Variants in ABCA13 observed in about 807,000 individuals in gnomAD.
The protein encoded by ABCA13 is ATP binding cassette subfamily A member 13.
In ABCA13, 476 loss-of-function variants were observed where a neutral mutation model predicts 478.7. The ratio of observed to expected loss-of-function variants is 0.99; its 90% CI spans 0.92 to 1.07. ABCA13 has a LOEUF of 1.07. ABCA13 is among the 50% of genes least tolerant of loss of function. ABCA13 has a pLI of 0.00. For synonymous variants in ABCA13, 2,252 were observed against 2,158.9 expected (o/e 1.04, Z -1.20); for missense variants, 6,060 against 5,910.6 (o/e 1.03, Z -0.83).
rs930405139 is a variant in ABCA13, at chr7:48,390,271, A to C, written c.11654+1051A>C. On this transcript the variant is annotated intron_variant, in intron 37 of 61. Coordinates refer to ENST00000435803, the MANE Select transcript of ABCA13 (RefSeq NM_152701.5). ...AATGACTGTGTTGCTTTTAGTGTAC[A>C]TTTGTAGTACATTTTGAGTCATCCT... Among the ~76,000 whole-genome samples, 8 of 152,208 alleles carry C rather than the reference A, an allele frequency of 5.3e-5. 1 individual carries two copies. Among genetic ancestry groups the C allele is most frequent in the African/African-American group, 1.9e-4 (8 of 41,462 alleles).
intron 55 of ABCA13, among the ~76,000 whole-genome samples, chr7:48,530,243 C>CA (rs1462286832): frequency 1.2e-4 from 18 of 151,948 alleles, no homozygotes; most frequent in Admixed American, 7.9e-4. Context: ...CAGTTCCATC[C>CA]AGGTGGCTGC....
intron 55 of ABCA13, among the ~76,000 whole-genome samples, chr7:48,554,046 G>A (rs1166225512): frequency 6.6e-6 from 1 of 151,916 alleles, no homozygotes; most frequent in Non-Finnish European, 1.5e-5. Flanking sequence ...TCTGCATATG[G>A]ATATCCAGTT....
chr7:48,511,317 G>C lies in ABCA13; in HGVS notation c.13640+118G>C. On this transcript the variant is annotated intron_variant, in intron 51 of 61. Coordinates refer to ENST00000435803, the MANE Select transcript of ABCA13 (RefSeq NM_152701.5). ...ATTTCCTCTCTTTTGAAGCAATTATGTTGCTTCTGCAAGGGACACGGAGCA... is the reference window on the plus strand; with the variant it reads ...ATTTCCTCTCTTTTGAAGCAATTATCTTGCTTCTGCAAGGGACACGGAGCA... 3.6e-6 allele frequency: 3 copies of C among 833,876 alleles called. 1 individual carries two copies. Among genetic ancestry groups the C allele is most frequent in the Non-Finnish European group, 1.8e-6 (1 of 544,214 alleles). 51.7% of individuals were successfully genotyped at this position (833,876 alleles called of 1,614,324 possible). A position where few individuals can be genotyped will look rare whatever the true frequency, so the allele number is the denominator to read the frequency against.
intron 55 of ABCA13, among the ~76,000 whole-genome samples, chr7:48,579,918 A>G (rs1328849990): frequency 6.6e-6 from 1 of 152,132 alleles, no homozygotes; most frequent in African/African-American, 2.4e-5. Flanking sequence ...GTAAATGTGA[A>G]TTTCCTTTTC....
intron 41 of ABCA13, among the ~76,000 whole-genome samples, chr7:48,418,831 A>G (rs1332685258): frequency 1.3e-5 from 2 of 152,232 alleles, no homozygotes; most frequent in Non-Finnish European, 2.9e-5. Flanking sequence ...TGCATTATAG[A>G]ATAACTTCTA....
chr7:48,252,368 G>A (rs75980052), intron 15 of ABCA13, among the ~76,000 whole-genome samples: 9 of 152,210 alleles, frequency 5.9e-5, no homozygotes, highest in East Asian at 3.9e-4. Context: ...ATGTGGATGC[G>A]TTCTGAGAAA....
chr7:48,231,656 CTAT>C (rs151023674), intron 7 of ABCA13, among the ~76,000 whole-genome samples: 30 of 150,692 alleles, frequency 2.0e-4, no homozygotes, highest in East Asian at 3.9e-4. Flanking sequence ...GTCTCCTGAA[CTAT>C]TATTATTATT....
intron 3 of ABCA13, among the ~76,000 whole-genome samples, chr7:48,214,512 G>A (rs1383884763): frequency 6.6e-6 from 1 of 152,184 alleles, no homozygotes; most frequent in Non-Finnish European, 1.5e-5. Context: ...TCCAATGCAA[G>A]GCTGTTTCAT....
intron 55 of ABCA13, among the ~76,000 whole-genome samples, chr7:48,549,119 CAT>C (rs1398560820): frequency 6.6e-6 from 1 of 151,714 alleles, no homozygotes; most frequent in Non-Finnish European, 1.5e-5. Context: ...CTTAGGTATA[CAT>C]ATGCCGTGGT....
intron 58 of ABCA13, among the ~76,000 whole-genome samples, chr7:48,608,089 C>T (rs1791652615): frequency 6.6e-6 from 1 of 151,918 alleles, no homozygotes; most frequent in Non-Finnish European, 1.5e-5. Context: ...CCATGTTGGT[C>T]AGGCTGGTCT....
intron 59 of ABCA13, among the ~76,000 whole-genome samples, chr7:48,618,127 G>GT (rs1298003037): frequency 6.6e-6 from 1 of 152,116 alleles, no homozygotes; most frequent in African/African-American, 2.4e-5. Context: ...TGGGGAGTAA[G>GT]ACCCAAGCAC....
At chr7:48,645,318 C>A in intron 61 of ABCA13, 99 bp from the exon 62 acceptor site, 3 of 842,768 alleles carry the variant, frequency 3.6e-6, no homozygotes, top group Admixed American at 2.5e-5. Context: ...GTTTTTAGGG[C>A]AAGTTGGCCA....
chr7:48,273,953 C>T lies in ABCA13; in HGVS notation c.4287C>T (p.Asn1429=). ...TGGGGAATTTCAGAGATATAGAAAACAAAATGAACTCTATATTAAAAATTG... is the reference window on the plus strand; with the variant it reads ...TGGGGAATTTCAGAGATATAGAAAATAAAATGAACTCTATATTAAAAATTG... The part of the protein sequence containing the change: ...NILGNFRDIE[N]KMNSILKIVT... The change falls in exon 17 of 62, where the codon AAC becomes AAT. Residue 1429 remains asparagine (N), a synonymous_variant. Transcript: ENST00000435803. The T allele has an allele frequency of 1.2e-6, 2 of 1,610,836 alleles. No individual in the cohort carries two copies. The highest frequency in any genetic ancestry group is 2.2e-5 in the South Asian group (2 of 90,626).
chr7:48,189,932 G>C (rs36134546), intron 1 of ABCA13, among the ~76,000 whole-genome samples: 96,325 of 152,044 alleles, frequency 0.63, 33,021 homozygotes, highest in Non-Finnish European at 0.79. Context: ...TAAAAATAAA[G>C]AACAACTTAA....
At chr7:48,432,046 C>T (rs552710246) in intron 42 of ABCA13, among the ~76,000 whole-genome samples, 53 of 152,088 alleles carry the variant, frequency 3.5e-4, no homozygotes, top group African/African-American at 9.6e-4. Context: ...CAAACCTGCA[C>T]GTTGTGCACA....
At chr7:48,450,132 A>G (rs1029345247) in intron 42 of ABCA13, among the ~76,000 whole-genome samples, 5 of 152,188 alleles carry the variant, frequency 3.3e-5, no homozygotes, top group African/African-American at 4.8e-5. Context: ...ACTGAATTTA[A>G]TTCCCCAAAT....
intron 15 of ABCA13, among the ~76,000 whole-genome samples, chr7:48,256,908 A>T (rs932975234): frequency 6.6e-5 from 10 of 151,870 alleles, no homozygotes; most frequent in African/African-American, 2.4e-4. Flanking sequence ...GCTTTGGGAA[A>T]TCTTAATAAT....
chr7:48,512,906 G>A (rs1036798497), intron 51 of ABCA13, among the ~76,000 whole-genome samples: 1 of 152,206 alleles, frequency 6.6e-6, no homozygotes, highest in East Asian at 1.9e-4. Flanking sequence ...AACTCAGACC[G>A]TGTTTGTAAT....
chr7:48,411,829 C>G (rs1228282206), intron 40 of ABCA13, among the ~76,000 whole-genome samples: 1 of 152,160 alleles, frequency 6.6e-6, no homozygotes, highest in Non-Finnish European at 1.5e-5. Context: ...CTCTTGATGA[C>G]TGTATTTGAC....
Sources: allele counts gnomAD v4.1 joint callset (sites outside exome capture counted in the v4.1 genomes callset), GRCh38; gene constraint gnomAD v4.1.1; transcripts MANE v1.5; gene names NCBI Gene and HGNC (gene_info 2026-07-23, HGNC 2026-07-21).